Variants in ACOT11 observed in about 807,000 individuals in gnomAD.
ACOT11 encodes acyl-CoA thioesterase 11.
In ACOT11, 69 loss-of-function variants were observed where a neutral mutation model predicts 77.5. The ratio of observed to expected loss-of-function variants is 0.89; its 90% CI spans 0.73 to 1.09. The LOEUF (loss-of-function observed/expected upper bound fraction) is 1.09, where lower values mean the gene tolerates loss of function less well. Among genes scored for constraint, ACOT11 ranks in the 50% least tolerant of loss-of-function variants. ACOT11 has a pLI of 0.00. For missense variants in ACOT11, 766 were observed against 813.7 expected, an observed-to-expected ratio of 0.94 and a Z score of 0.71; for synonymous variants, 279 against 313.0, an observed-to-expected ratio of 0.89 and a Z score of 1.15.
At chr1:54,610,736 T>C, downstream of ACOT11, 1 of 915,342 alleles carries the variant, frequency 1.1e-6, no homozygotes, top group Non-Finnish European at 1.3e-6. Context: ...CAAGGTCTTA[T>C]AAGCAGTAAG....
intron 16 of ACOT11, among the ~76,000 whole-genome samples, chr1:54,631,304 G>A (rs1644298594): frequency 6.6e-6 from 1 of 152,022 alleles, no homozygotes; most frequent in Non-Finnish European, 1.5e-5. Context: ...GATCAACAGG[G>A]AAGTATTACA....
chr1:54,623,960 A>C (rs538813586), intron 15 of ACOT11, among the ~76,000 whole-genome samples: 18 of 152,296 alleles, frequency 1.2e-4, no homozygotes, highest in African/African-American at 3.8e-4. Flanking sequence ...AGGGGCAATA[A>C]TCTTCCTTTC....
In ACOT11 at chr1:54,597,599, G is replaced by A. The variant is rs568337685; in HGVS notation, c.764+184G>A. 81 of 788,714 alleles carry A rather than the reference G, an allele frequency of 1.0e-4. 1 individual carries two copies. In the South Asian group the frequency reaches 1.5e-3, roughly 15 times the overall value. 48.9% of individuals were successfully genotyped at this position (788,714 alleles called of 1,614,324 possible). A position where few individuals can be genotyped will look rare whatever the true frequency, so the allele number is the denominator to read the frequency against. ...ATTCCTTGTTCTACTAAAAAAGCTA[G>A]CATCTTTTACATGGGAAACACCAGG... On this transcript the variant is annotated intron_variant, in intron 7 of 15. Coordinates refer to ENST00000343744, the MANE Select transcript of ACOT11 (RefSeq NM_147161.4).
At chr1:54,588,589 G>C (rs1654588230) in intron 3 of ACOT11, among the ~76,000 whole-genome samples, 1 of 152,116 alleles carries the variant, frequency 6.6e-6, no homozygotes, top group Non-Finnish European at 1.5e-5. Flanking sequence ...GTGGCACTGA[G>C]GGTAGTCAAG....
Position 54,609,553 on chromosome 1 carries a change from T to C in ACOT11, c.*441T>C. ...ACTCTAGCATATCTGTGAGCAGCTG[T>C]TCCCTGTAGCCACTGCCCAGCACCT... is the stretch of plus-strand genomic sequence containing the variant. On this transcript the variant is annotated 3_prime_UTR_variant, in exon 16 of 16. Coordinates refer to ENST00000343744, the MANE Select transcript of ACOT11 (RefSeq NM_147161.4). 6.2e-7 allele frequency: 1 copy of C among 1,612,744 alleles called. No individual in the cohort carries two copies. The highest frequency in any genetic ancestry group is 8.5e-7 in the Non-Finnish European group (1 of 1,180,032).
At chr1:54,550,896 T>C (rs1653037453) in intron 1 of ACOT11, among the ~76,000 whole-genome samples, 1 of 151,236 alleles carries the variant, frequency 6.6e-6, no homozygotes, top group Non-Finnish European at 1.5e-5. Context: ...TCCCAGCACT[T>C]TGGGAGGCCG....
downstream of ACOT11, among the ~76,000 whole-genome samples, chr1:54,614,014 C>T (rs74071868): frequency 8.4e-3 from 1,280 of 152,306 alleles, 16 homozygotes; most frequent in African/African-American, 0.03. Context: ...AAGAGTTAAA[C>T]GGTGTTCTGC....
downstream of ACOT11, chr1:54,639,192 CAA>C (rs71254226): frequency 0.032 from 1,714 of 53,746 alleles, 26 homozygotes; most frequent in Admixed American, 0.12. Flanking sequence ...GATACTGTCT[CAA>C]AAAAAAAAAA....
chr1:54,602,476 C>T (rs964927891), intron 9 of ACOT11, among the ~76,000 whole-genome samples, 193 bp from the exon 10 acceptor site: 1 of 152,136 alleles, frequency 6.6e-6, no homozygotes, highest in Admixed American at 6.5e-5. Context: ...CCAGGTCACT[C>T]AGAGAGTTTG....
chr1:54,564,124 C>T (rs1448623038), intron 1 of ACOT11, among the ~76,000 whole-genome samples: 1 of 151,480 alleles, frequency 6.6e-6, no homozygotes, highest in African/African-American at 2.4e-5. Context: ...CTCAGCTACT[C>T]AGCTACTCAA....
intron 1 of ACOT11, chr1:54,582,341 T>C (rs565118877): frequency 1.6e-4 from 105 of 642,878 alleles, no homozygotes; most frequent in Non-Finnish European, 1.9e-4. Context: ...CAAGTCCGTC[T>C]CTGTTTGTCC....
At chr1:54,610,366 C>A, downstream of ACOT11, 1 of 1,599,692 alleles carries the variant, frequency 6.3e-7, no homozygotes. Context: ...CAAAGGACAC[C>A]CCTGCAGATG....
intron 10 of ACOT11, 137 bp from the exon 11 acceptor site, chr1:54,603,734 A>G: frequency 2.5e-6 from 2 of 794,044 alleles, no homozygotes; most frequent in South Asian, 1.6e-5. Context: ...GTGACCATCC[A>G]GCCTCCCTAC....
At chr1:54,608,128 A>T in intron 15 of ACOT11, 60 bp downstream of exon 15, 4 of 1,554,984 alleles carry the variant, frequency 2.6e-6, no homozygotes, top group Non-Finnish European at 2.6e-6. Flanking sequence ...CCACACGTGT[A>T]TTGAGCTCAG....
intron 16 of ACOT11, among the ~76,000 whole-genome samples, chr1:54,634,486 C>A (rs1401592006): frequency 2.0e-5 from 3 of 152,084 alleles, no homozygotes; most frequent in African/African-American, 7.2e-5. Flanking sequence ...TCATTCCACA[C>A]AGTTAATTGA....
chr1:54,620,075 C>A, intron 15 of ACOT11: 2 of 1,542,784 alleles, frequency 1.3e-6, no homozygotes, highest in Non-Finnish European at 1.8e-6. Flanking sequence ...GTTCGTTCAT[C>A]CCATGACCCT....
At chr1:54,628,277 C>CCTATA (rs1322643989) in intron 15 of ACOT11, 4 of 134,088 alleles carry the variant, frequency 3.0e-5, no homozygotes, top group African/African-American at 1.0e-4. Context: ...TCTCCCCACT[C>CCTATA]CCATACCATT....
At chr1:54,620,231 C>T (rs139045816) in intron 15 of ACOT11, among the ~76,000 whole-genome samples, 6 of 152,298 alleles carry the variant, frequency 3.9e-5, no homozygotes, top group Non-Finnish European at 8.8e-5. Flanking sequence ...GGAAAGGGGG[C>T]AGGTTCACAG....
intron 15 of ACOT11, among the ~76,000 whole-genome samples, chr1:54,620,990 T>C (rs1326208115): frequency 7.5e-5 from 11 of 146,592 alleles, no homozygotes. Flanking sequence ...CGAAACCCCA[T>C]CTCTACTAAA....
Sources: allele counts gnomAD v4.1 joint callset (sites outside exome capture counted in the v4.1 genomes callset), GRCh38; gene constraint gnomAD v4.1.1; transcripts MANE v1.5; gene names NCBI Gene and HGNC (gene_info 2026-07-23, HGNC 2026-07-21).